The following ADCYAP1R1 variants were observed in gnomAD, a reference collection of about 807,000 sequenced individuals.
The protein encoded by ADCYAP1R1 is ADCYAP receptor type I.
ADCYAP1R1 carries 44 observed loss-of-function variants against 67.6 expected under a neutral mutation model. The ratio of observed to expected loss-of-function variants is 0.65; its 90% CI spans 0.51 to 0.84. The LOEUF (loss-of-function observed/expected upper bound fraction) is 0.84, where lower values mean the gene tolerates loss of function less well. ADCYAP1R1 is among the 40% of genes least tolerant of loss of function. ADCYAP1R1 has a pLI of 0.00. For synonymous variants in ADCYAP1R1, 222 were observed against 219.6 expected (o/e 1.01, Z -0.10); for missense variants, 477 against 587.9 (o/e 0.81, Z 1.95).
chr7:31,076,638 G>A (rs1307484918), intron 3 of ADCYAP1R1, among the ~76,000 whole-genome samples: 2 of 152,146 alleles, frequency 1.3e-5, no homozygotes, highest in African/African-American at 2.4e-5. Context: ...TTCTGGTTCC[G>A]GGTCCTTTCA....
In ADCYAP1R1 at chr7:31,052,416, C is replaced by G. The variant is rs540571574; in HGVS notation, c.-334C>G. ...CGCGGGGCGGGCAAAGGGGGCGCTG[C>G]GCTCGGCCCCGGGCAGGGAGTGACG... On this transcript the variant is annotated 5_prime_UTR_variant, in exon 1 of 16. Coordinates refer to ENST00000304166, the MANE Select transcript of ADCYAP1R1 (RefSeq NM_001118.5). The G allele has an allele frequency of 6.6e-6, 1 of 150,516 alleles. No individual in the cohort carries two copies. Among genetic ancestry groups the G allele is most frequent in the Non-Finnish European group, 1.5e-5 (1 of 67,526 alleles). 9.3% of individuals were successfully genotyped at this position (150,516 alleles called of 1,614,324 possible).
rs181254859 is a variant in ADCYAP1R1, at chr7:31,092,564, G to C, written c.955-80G>C. ...AGTGTAGATGGGATCTTGACTAGGT[G>C]GGGGAGGGTCCTGCTGGGGAAATAA... On this transcript the variant is annotated intron_variant, in intron 12 of 15. Coordinates refer to ENST00000304166, the MANE Select transcript of ADCYAP1R1 (RefSeq NM_001118.5). The C allele has an allele frequency of 4.6e-6, 5 of 1,076,758 alleles. No individual in the cohort carries two copies. In the South Asian group the frequency reaches 5.2e-5, roughly 11 times the overall value. The allele number at this position is 1,076,758 out of a possible 1,614,324, so 66.7% of individuals were successfully genotyped here.
At chr7:31,057,462 C>T (rs1237402521) in intron 1 of ADCYAP1R1, among the ~76,000 whole-genome samples, 1 of 152,242 alleles carries the variant, frequency 6.6e-6, no homozygotes, top group Non-Finnish European at 1.5e-5. Context: ...GGTGCCCCAG[C>T]CTGGCCCTTC....
At chr7:31,096,112 G>A (rs1796183833) in intron 13 of ADCYAP1R1, among the ~76,000 whole-genome samples, 1 of 152,156 alleles carries the variant, frequency 6.6e-6, no homozygotes. Flanking sequence ...TCAGAAAGGG[G>A]AGAGGTGAGG....
chr7:31,105,585 C>A (rs374482260), intron 15 of ADCYAP1R1, among the ~76,000 whole-genome samples: 1 of 152,196 alleles, frequency 6.6e-6, no homozygotes. Flanking sequence ...TGAGAGTAGG[C>A]GGGAGTCTTT....
At position 31,086,641 on chromosome 7, in the gene ADCYAP1R1, A is replaced by G; in HGVS notation, c.823+104A>G. The G allele has an allele frequency of 1.4e-6, 2 of 1,389,480 alleles. No individual in the cohort carries two copies. Among genetic ancestry groups the G allele is most frequent in the Non-Finnish European group, 2.0e-6 (2 of 1,004,602 alleles). 86.1% of individuals were successfully genotyped at this position (1,389,480 alleles called of 1,614,324 possible). A position where few individuals can be genotyped will look rare whatever the true frequency, so the allele number is the denominator to read the frequency against. ...AGGAAGTGTCAGGTGAGGAGGGGCCACTGCCCTGCCCGAGTCTAATGGCCT... is the reference window on the plus strand; with the variant it reads ...AGGAAGTGTCAGGTGAGGAGGGGCCGCTGCCCTGCCCGAGTCTAATGGCCT... On this transcript the variant is annotated intron_variant, in intron 10 of 15. Transcript: ENST00000304166. This position sits in a 1 kb window ranked among gnomAD's most constrained non-coding sequence, Gnocchi z 5.0.
At chr7:31,095,729 A>G in intron 13 of ADCYAP1R1, 1 of 717,944 alleles carries the variant, frequency 1.4e-6, no homozygotes, top group Non-Finnish European at 2.6e-6. Context: ...GTGCCCTCAG[A>G]CCAGCATTCA....
rs528949096 is a variant in ADCYAP1R1, at chr7:31,084,913, C to A, written c.536+79C>A. 1.4e-4 allele frequency: 179 copies of A among 1,302,174 alleles called. No homozygotes were observed. In the African/African-American group the frequency reaches 2.4e-3, roughly 17 times the overall value. The allele number at this position is 1,302,174 out of a possible 1,614,324, so 80.7% of individuals were successfully genotyped here. ...GGCCTTGGTGCATCTCTCCCCTCCC[C>A]CCTTGATGTCAGCCCTAGAAGACCC... On this transcript the variant is annotated intron_variant, in intron 8 of 15. Transcript: ENST00000304166.
intron 3 of ADCYAP1R1, among the ~76,000 whole-genome samples, chr7:31,065,283 C>T (rs1219844438): frequency 6.6e-6 from 1 of 152,192 alleles, no homozygotes; most frequent in Non-Finnish European, 1.5e-5. Context: ...CAGCTATTGC[C>T]TGTGGCTGAG....
chr7:31,100,507 C>T (rs949484024), intron 13 of ADCYAP1R1, among the ~76,000 whole-genome samples: 1 of 152,164 alleles, frequency 6.6e-6, no homozygotes, highest in Non-Finnish European at 1.5e-5. Context: ...CCTCAGTCCC[C>T]AACTTCTCTG....
At chr7:31,082,450 A>T (rs768838543) in intron 6 of ADCYAP1R1, among the ~76,000 whole-genome samples, 8 of 152,364 alleles carry the variant, frequency 5.3e-5, no homozygotes, top group Admixed American at 1.3e-4. Context: ...AAAAGAAAGA[A>T]GGAAAATAAA....
At chr7:31,093,326 A>C (rs1796045254) in intron 13 of ADCYAP1R1, among the ~76,000 whole-genome samples, 1 of 151,856 alleles carries the variant, frequency 6.6e-6, no homozygotes. Context: ...GTTGGGGATT[A>C]TTGGGTTACA....
At chr7:31,079,052 A>G (rs536899293) in intron 4 of ADCYAP1R1, among the ~76,000 whole-genome samples, 1 of 152,244 alleles carries the variant, frequency 6.6e-6, no homozygotes, top group African/African-American at 2.4e-5. Context: ...CACAGGTGGG[A>G]TGTAGGGTGA....
At chr7:31,080,249 T>C (rs1420171912) in intron 4 of ADCYAP1R1, among the ~76,000 whole-genome samples, 1 of 152,204 alleles carries the variant, frequency 6.6e-6, no homozygotes, top group East Asian at 1.9e-4. Flanking sequence ...TCACAAAACT[T>C]GATTGGTGAG....
chr7:31,072,361 G>T (rs942261650), intron 3 of ADCYAP1R1, among the ~76,000 whole-genome samples: 11 of 152,106 alleles, frequency 7.2e-5, no homozygotes, highest in African/African-American at 2.2e-4. Context: ...TTTTAGAGGT[G>T]GATTCTGCAC....
chr7:31,077,604 G>A (rs983053262), intron 3 of ADCYAP1R1, among the ~76,000 whole-genome samples: 8 of 147,508 alleles, frequency 5.4e-5, no homozygotes, highest in African/African-American at 1.3e-4. Context: ...TGTGTGTGTT[G>A]TGTGAATGTG....
In ADCYAP1R1 at chr7:31,078,042, G is replaced by A. The variant is rs1795350767; in HGVS notation, c.209G>A (p.Gly70Asp). The change falls in exon 4 of 16, where the codon GGT (glycine) becomes GAT (aspartate). Residue 70 changes from glycine to aspartate, a missense_variant. Transcript: ENST00000304166. ...NITCWKPAHV[G>D]EMVLVSCPEL... Reference sequence around the variant, plus strand: ...ACGTGTTGGAAGCCCGCCCATGTGGGTGAGATGGTCCTGGTCAGCTGCCCT... The same window carrying A: ...ACGTGTTGGAAGCCCGCCCATGTGGATGAGATGGTCCTGGTCAGCTGCCCT... 1.2e-6 allele frequency: 2 copies of A among 1,613,284 alleles called. No homozygotes were observed. The highest frequency in any genetic ancestry group is 2.7e-5 in the African/African-American group (2 of 74,878).
rs530038449 is a variant in ADCYAP1R1, at chr7:31,110,648, G to C, written c.*3964G>C. The C allele has an allele frequency of 6.5e-6, 1 of 152,832 alleles. No individual in the cohort carries two copies. Among genetic ancestry groups the C allele is most frequent in the South Asian group, 2.1e-4 (1 of 4,828 alleles). 9.5% of individuals were successfully genotyped at this position (152,832 alleles called of 1,614,324 possible). A position where few individuals can be genotyped will look rare whatever the true frequency, so the allele number is the denominator to read the frequency against. ...AGGAGTGGGGCTCTGGTGACCGAAG[G>C]TTGTCCAGGACTCTTGCAGGAGAAG... On this transcript the variant is annotated 3_prime_UTR_variant, in exon 16 of 16. Coordinates refer to ENST00000304166, the MANE Select transcript of ADCYAP1R1 (RefSeq NM_001118.5).
At chr7:31,066,381 A>G (rs1265210376) in intron 3 of ADCYAP1R1, among the ~76,000 whole-genome samples, 2 of 152,110 alleles carry the variant, frequency 1.3e-5, no homozygotes, top group African/African-American at 4.8e-5. Context: ...GTGCAGTTTA[A>G]TTGCTCACCT....
Sources: allele counts gnomAD v4.1 joint callset (sites outside exome capture counted in the v4.1 genomes callset), GRCh38; gene constraint gnomAD v4.1.1; non-coding constraint Gnocchi (gnomAD v3.1); transcripts MANE v1.5; gene names NCBI Gene and HGNC (gene_info 2026-07-23, HGNC 2026-07-21).